C9: variants seen among roughly 807,000 people sequenced by gnomAD.
C9 encodes complement C9.
In C9, 63 loss-of-function variants were observed where a neutral mutation model predicts 65.4. The observed-to-expected ratio is 0.96, with a 90% CI of 0.79 to 1.19. C9 has a LOEUF of 1.19. C9 is among the 50% of genes most tolerant of loss of function. The pLI is 0.00. For missense variants in C9, 744 were observed against 670.1 expected (o/e 1.11, Z -1.22); for synonymous variants, 229 against 227.9 (o/e 1.00, Z -0.04).
At chr5:39,306,568 A>T in intron 9 of C9, 49 bp downstream of exon 9, 1 of 1,394,438 alleles carries the variant, frequency 7.2e-7, no homozygotes, top group Non-Finnish European at 1.0e-6. Context: ...TGTGACATTT[A>T]ATAAAAAAAT....
At chr5:39,329,077 G>A (rs746833711) in intron 5 of C9, among the ~76,000 whole-genome samples, 1 of 152,102 alleles carries the variant, frequency 6.6e-6, no homozygotes, top group Non-Finnish European at 1.5e-5. Context: ...ACCTGATTTA[G>A]GCTTACAAAT....
intron 10 of C9, among the ~76,000 whole-genome samples, chr5:39,285,649 T>C (rs978783326): frequency 3.9e-5 from 6 of 151,940 alleles, no homozygotes; most frequent in Non-Finnish European, 7.4e-5. Context: ...GGATCTACCA[T>C]GGCTGCTTTT....
chr5:39,360,700 A>G (rs898683463), intron 1 of C9, among the ~76,000 whole-genome samples: 4 of 152,182 alleles, frequency 2.6e-5, no homozygotes, highest in African/African-American at 7.2e-5. Context: ...AAAATGTGCA[A>G]TCTGACTCAA....
At chr5:39,313,560 CAA>C (rs2111891916) in intron 6 of C9, among the ~76,000 whole-genome samples, 2 of 152,292 alleles carry the variant, frequency 1.3e-5, no homozygotes, top group South Asian at 4.1e-4. Flanking sequence ...AGGTAAAATG[CAA>C]TTCTGGAGCA....
chr5:39,342,056 G>T, intron 2 of C9, 35 bp downstream of exon 2: 2 of 1,141,166 alleles, frequency 1.8e-6, no homozygotes, highest in South Asian at 1.2e-5. Context: ...GTTTCCATTT[G>T]GGGAGGTCAG....
chr5:39,289,767 G>A (rs971929826), intron 9 of C9, among the ~76,000 whole-genome samples: 10 of 151,730 alleles, frequency 6.6e-5, no homozygotes, highest in African/African-American at 2.2e-4. Flanking sequence ...AGGTTATTGA[G>A]GTAACTACGA....
chr5:39,352,714 C>A, intron 1 of C9, among the ~76,000 whole-genome samples: 1 of 152,190 alleles, frequency 6.6e-6, no homozygotes, highest in East Asian at 1.9e-4. Context: ...ACAAAAATTA[C>A]TCTCTAATTC....
intron 10 of C9, among the ~76,000 whole-genome samples, chr5:39,288,067 T>C (rs1367691770): frequency 6.6e-6 from 1 of 151,842 alleles, no homozygotes; most frequent in Non-Finnish European, 1.5e-5. Context: ...CAAATACAGT[T>C]AAAAATGCAA....
chr5:39,341,026 A>G (rs777565789), intron 4 of C9, 120 bp downstream of exon 4: 121 of 1,075,848 alleles, frequency 1.1e-4, no homozygotes, highest in Non-Finnish European at 1.6e-4. Context: ...AATAATACAG[A>G]CCCATCAGCT....
intron 4 of C9, among the ~76,000 whole-genome samples, chr5:39,340,831 A>G (rs1157328229): frequency 2.0e-5 from 3 of 152,252 alleles, no homozygotes; most frequent in East Asian, 1.9e-4. Context: ...TATCATGTCA[A>G]TGTTGCTGTG....
intron 5 of C9, among the ~76,000 whole-genome samples, chr5:39,327,944 A>G (rs1753779188): frequency 6.6e-6 from 1 of 152,240 alleles, no homozygotes; most frequent in Admixed American, 6.5e-5. Context: ...AATGCAATGC[A>G]CATATGTTGA....
Position 39,285,089 on chromosome 5 carries a change from T to G in C9, c.*110A>C. 1 of 922,562 alleles carries G rather than the reference T, an allele frequency of 1.1e-6. No homozygotes were observed. Among genetic ancestry groups the G allele is most frequent in the Non-Finnish European group, 1.8e-6 (1 of 554,782 alleles). 57.1% of individuals were successfully genotyped at this position (922,562 alleles called of 1,614,324 possible). Reference sequence around the variant, plus strand: ...AAGAGACTTCAGAGGTTGGTAGGATTTTCATGAAGCATGTTGCTATTTACT... The same window carrying G: ...AAGAGACTTCAGAGGTTGGTAGGATGTTCATGAAGCATGTTGCTATTTACT... On this transcript the variant is annotated 3_prime_UTR_variant, in exon 11 of 11. Transcript: ENST00000263408.
At chr5:39,349,359 TA>T (rs1554051695) in intron 1 of C9, among the ~76,000 whole-genome samples, 1 of 152,110 alleles carries the variant, frequency 6.6e-6, no homozygotes, top group South Asian at 2.1e-4. Context: ...ATATTAAACA[TA>T]AAAAGCCAAG....
chr5:39,363,079 T>C (rs1754550437), intron 1 of C9, among the ~76,000 whole-genome samples: 3 of 152,132 alleles, frequency 2.0e-5, no homozygotes, highest in South Asian at 4.2e-4. Flanking sequence ...GGAATGTGGG[T>C]TGTTTGAATT....
intron 1 of C9, among the ~76,000 whole-genome samples, chr5:39,348,603 G>A (rs700215): frequency 2.0e-5 from 3 of 152,132 alleles, no homozygotes; most frequent in Non-Finnish European, 2.9e-5. Flanking sequence ...CATTGTGGAA[G>A]TCAGTGTGGC....
chr5:39,318,936 A>G lies in C9; in HGVS notation c.616-2907T>C, dbSNP rs1258450093. Among the ~76,000 whole-genome samples, 3 of 152,190 alleles carry G rather than the reference A, an allele frequency of 2.0e-5. No homozygotes were observed. The East Asian group carries it at 5.8e-4, about 29-fold the overall frequency. ...TCTAAACTAGATTTATTTCTAGTCA[A>G]TCTCTCCCTAACTGTGTGTCAGCCA... is the stretch of plus-strand genomic sequence containing the variant. On this transcript the variant is annotated intron_variant, in intron 5 of 10. Transcript: ENST00000263408.
chr5:39,291,677 A>C (rs940235021), intron 9 of C9, among the ~76,000 whole-genome samples: 1 of 151,946 alleles, frequency 6.6e-6, no homozygotes, highest in Non-Finnish European at 1.5e-5. Flanking sequence ...AAAACAGTTT[A>C]GTAAAAAGCC....
rs1754101906 is a variant in C9 at position 39,342,305 on chromosome 5, C to A, written c.78-109G>T. 2.2e-5 allele frequency: 15 copies of A among 668,044 alleles called. No individual in the cohort carries two copies. In the Admixed American group the frequency reaches 3.3e-4, roughly 15 times the overall value. The allele number at this position is 668,044 out of a possible 1,614,324, so 41.4% of individuals were successfully genotyped here. On this transcript the variant is annotated intron_variant, in intron 1 of 10. Coordinates refer to ENST00000263408, the MANE Select transcript of C9 (RefSeq NM_001737.5). ...TACTTTATCCCCTCTCAAATTATAC[C>A]ACTTATCTTTTTACTATATCTCTCA...
Position 39,315,821 on chromosome 5 carries a change from G to C in C9, c.824C>G (p.Ser275Cys), listed in dbSNP as rs777500599. ...HGKGSFRFSY[S>C]KNETYQLFLS... ...AAATAGTTGGTAAGTTTCATTTTTG[G>C]AATATGAAAACCGAAAACTACCCTT... Residue 275 changes from serine to cysteine, a missense_variant, in exon 6 of 11, where the codon TCC becomes TGC. Coordinates refer to ENST00000263408, the MANE Select transcript of C9 (RefSeq NM_001737.5). The C allele has an allele frequency of 2.5e-6, 4 of 1,607,250 alleles. No individual in the cohort carries two copies. The East Asian group carries it at 8.9e-5, about 36-fold the overall frequency.
Sources: gnomAD v4.1 joint callset for allele counts (sites outside exome capture counted in the v4.1 genomes callset) on GRCh38, gnomAD v4.1.1 for gene constraint, MANE v1.5 for transcripts, NCBI Gene and HGNC (gene_info 2026-07-23, HGNC 2026-07-21) for gene names.